The following HS3ST1 variants were observed in gnomAD, a reference collection of about 807,000 sequenced individuals.
HS3ST1 encodes heparan sulfate glucosamine 3-O-sulfotransferase 1.
A neutral mutation model predicts 20.7 loss-of-function variants in HS3ST1; 8 were observed. The observed-to-expected ratio is 0.39, with a 90% CI of 0.23 to 0.70. The LOEUF is 0.70. HS3ST1 is among the 30% of genes least tolerant of loss of function. HS3ST1 has a pLI of 0.46. For missense variants in HS3ST1, 436 were observed against 423.4 expected (o/e 1.03, Z -0.26); for synonymous variants, 205 against 190.4 (o/e 1.08, Z -0.63).
At chr4:11,433,676 A>C (rs1719245125), upstream of HS3ST1, among the ~76,000 whole-genome samples, 1 of 140,410 alleles carries the variant, frequency 7.1e-6, no homozygotes, top group Non-Finnish European at 1.6e-5. Context: ...CACTCTTCAG[A>C]AAAAAAAAAG....
At chr4:11,432,494 G>A (rs982236831), upstream of HS3ST1, among the ~76,000 whole-genome samples, 1 of 152,230 alleles carries the variant, frequency 6.6e-6, no homozygotes, top group African/African-American at 2.4e-5. Flanking sequence ...TAAAAGGGAA[G>A]CTTGTTGGGT....
intron 1 of HS3ST1, among the ~76,000 whole-genome samples, chr4:11,402,865 C>A (rs1718362646): frequency 6.6e-6 from 1 of 152,154 alleles, no homozygotes; most frequent in Non-Finnish European, 1.5e-5. Flanking sequence ...GGAGAATTAC[C>A]AGCAGACAGT....
chr4:11,415,194 T>C (rs990867864), intron 1 of HS3ST1, among the ~76,000 whole-genome samples: 1 of 152,160 alleles, frequency 6.6e-6, no homozygotes, highest in Non-Finnish European at 1.5e-5. Flanking sequence ...CAGGCTAAAG[T>C]ATGTAAATAG....
In HS3ST1 at chr4:11,396,430, G is replaced by A. The variant is rs1329490740; in HGVS notation, c.*2652C>T. 6.6e-6 allele frequency: 1 copy of A among 152,216 alleles called. No homozygotes were observed. The highest frequency in any genetic ancestry group is 2.1e-4 in the South Asian group (1 of 4,824). 9.4% of individuals were successfully genotyped at this position (152,216 alleles called of 1,614,324 possible). On this transcript the variant is annotated 3_prime_UTR_variant, in exon 2 of 2. Coordinates refer to ENST00000002596, the MANE Select transcript of HS3ST1 (RefSeq NM_005114.4). ...AGATCCCCCAGGCTGCTCCCGGGCC[G>A]GGGTGGTCTGGACAGGAGACCCACC...
chr4:11,403,368 A>G (rs1718379468), intron 1 of HS3ST1, among the ~76,000 whole-genome samples: 2 of 152,214 alleles, frequency 1.3e-5, no homozygotes, highest in Non-Finnish European at 2.9e-5. Flanking sequence ...CTCAGAAACA[A>G]AAAGATTCCC....
At chr4:11,433,037 T>C (rs536919237), upstream of HS3ST1, among the ~76,000 whole-genome samples, 2 of 152,366 alleles carry the variant, frequency 1.3e-5, no homozygotes, top group South Asian at 2.1e-4. Flanking sequence ...GGTCCAGTTA[T>C]GACTTTTATG....
At chr4:11,424,720 C>T (rs185197371) in intron 1 of HS3ST1, among the ~76,000 whole-genome samples, 1 of 152,230 alleles carries the variant, frequency 6.6e-6, no homozygotes, top group East Asian at 1.9e-4. Flanking sequence ...ATCCATGATC[C>T]AAGGTGGTAA....
chr4:11,432,233 C>T (rs1196195132), upstream of HS3ST1, among the ~76,000 whole-genome samples: 2 of 152,162 alleles, frequency 1.3e-5, no homozygotes, highest in Admixed American at 6.5e-5. Context: ...TCTACCTGCT[C>T]AGACTCAATG....
chr4:11,413,799 G>A (rs1056131146), intron 1 of HS3ST1, among the ~76,000 whole-genome samples: 2 of 152,078 alleles, frequency 1.3e-5, no homozygotes, highest in Non-Finnish European at 2.9e-5. Context: ...AGATCTACAT[G>A]AAAACCATTT....
intron 1 of HS3ST1, among the ~76,000 whole-genome samples, chr4:11,420,499 G>T (rs565308588): frequency 6.6e-6 from 1 of 152,204 alleles, no homozygotes; most frequent in Non-Finnish European, 1.5e-5. Flanking sequence ...TCAGTGGAAC[G>T]CTGTGTGACG....
intron 1 of HS3ST1, among the ~76,000 whole-genome samples, chr4:11,401,086 T>C (rs1230096407): frequency 6.6e-6 from 1 of 152,202 alleles, no homozygotes; most frequent in Admixed American, 6.5e-5. Context: ...CAGGGAGATA[T>C]ATGTTATGAT....
intron 1 of HS3ST1, among the ~76,000 whole-genome samples, chr4:11,411,791 G>C (rs986833500): frequency 8.5e-5 from 13 of 152,190 alleles, no homozygotes; most frequent in Non-Finnish European, 1.3e-4. Context: ...ATGTCAGAAG[G>C]AGAAGTTCAG....
chr4:11,401,776 ACTT>A (rs1718333310), intron 1 of HS3ST1, among the ~76,000 whole-genome samples: 1 of 152,184 alleles, frequency 6.6e-6, no homozygotes, highest in African/African-American at 2.4e-5. Context: ...TTTCCACAAA[ACTT>A]CTCCTCTTTA....
intron 1 of HS3ST1, among the ~76,000 whole-genome samples, chr4:11,403,865 T>TA (rs1718393338): frequency 6.6e-6 from 1 of 152,210 alleles, no homozygotes; most frequent in Non-Finnish European, 1.5e-5. Flanking sequence ...TCCTCATCTG[T>TA]AAAATGGTAA....
intron 1 of HS3ST1, among the ~76,000 whole-genome samples, chr4:11,428,112 C>A (rs886423204): frequency 1.3e-5 from 2 of 152,226 alleles, no homozygotes; most frequent in African/African-American, 4.8e-5. Context: ...AAAATCAAGA[C>A]CCTCATGTAA....
intron 1 of HS3ST1, among the ~76,000 whole-genome samples, chr4:11,413,161 GC>G: frequency 6.6e-6 from 1 of 152,270 alleles, no homozygotes; most frequent in African/African-American, 2.4e-5. Flanking sequence ...GGTCATAGTA[GC>G]CCTAATTAAC....
rs747592027 is a variant in HS3ST1, at chr4:11,399,911, C to T, written c.95G>A (p.Arg32Gln). 3 of 1,605,496 alleles carry T rather than the reference C, an allele frequency of 1.9e-6. No homozygotes were observed. The change falls in exon 2 of 2, where the codon CGG (arginine) becomes CAG (glutamine). Residue 32 changes from arginine (R) to glutamine (Q), a missense_variant. By Grantham distance (43) the Arg-to-Gln change is conservative. Transcript: ENST00000002596. This position sits in a 1 kb window ranked among gnomAD's most constrained non-coding sequence, Gnocchi z 5.1. ...GTCATCCTGGAGGGTCCCCGCTTTC[C>T]GCAGAAGCTCCTGCTGGCCTAGCTC... ...PAELGQQELL[R>Q]KAGTLQDDVR...
intron 1 of HS3ST1, among the ~76,000 whole-genome samples, chr4:11,400,370 A>C (rs1221659569): frequency 6.6e-6 from 1 of 152,204 alleles, no homozygotes; most frequent in Non-Finnish European, 1.5e-5. Flanking sequence ...TAGACAACAC[A>C]CAAGGGAATG....
At chr4:11,407,873 G>A (rs1041114442) in intron 1 of HS3ST1, among the ~76,000 whole-genome samples, 4 of 152,198 alleles carry the variant, frequency 2.6e-5, no homozygotes, top group Non-Finnish European at 4.4e-5. Flanking sequence ...TGTAACCCTC[G>A]ATAGTCTTTG....
Sources: allele counts gnomAD v4.1 joint callset (sites outside exome capture counted in the v4.1 genomes callset), GRCh38; gene constraint gnomAD v4.1.1; non-coding constraint Gnocchi (gnomAD v3.1); transcripts MANE v1.5; gene names NCBI Gene and HGNC (gene_info 2026-07-23, HGNC 2026-07-21).